Variants in FHOD3 observed in about 807,000 individuals in gnomAD.
The protein encoded by FHOD3 is formin homology 2 domain containing 3.
FHOD3 carries 90 observed loss-of-function variants against 173.0 expected under a neutral mutation model. That is an observed-to-expected ratio of 0.52 (90% CI 0.44 to 0.62). FHOD3 has a LOEUF of 0.62. Among genes scored for constraint, FHOD3 ranks in the 20% least tolerant of loss-of-function variants. The pLI is 0.00. For synonymous variants in FHOD3, 828 were observed against 823.0 expected, an observed-to-expected ratio of 1.01 and a Z score of -0.10; for missense variants, 1,945 against 2,034.7, an observed-to-expected ratio of 0.96 and a Z score of 0.85.
intron 3 of FHOD3, among the ~76,000 whole-genome samples, chr18:36,411,074 A>G (rs1398037130): frequency 6.6e-6 from 1 of 152,118 alleles, no homozygotes; most frequent in Non-Finnish European, 1.5e-5. Context: ...TATATCTAAG[A>G]AATAATTGCC....
chr18:36,552,062 C>T (rs1183307351), intron 5 of FHOD3, among the ~76,000 whole-genome samples: 1 of 152,156 alleles, frequency 6.6e-6, no homozygotes, highest in African/African-American at 2.4e-5. Flanking sequence ...TTGGGGATGG[C>T]ATTAAATCTG....
chr18:36,774,733 C>A (rs1434075330), intron 28 of FHOD3, among the ~76,000 whole-genome samples: 2 of 152,128 alleles, frequency 1.3e-5, no homozygotes, highest in Admixed American at 6.5e-5. Context: ...CCAGGAAATT[C>A]AAACTGGTAC....
intron 1 of FHOD3, among the ~76,000 whole-genome samples, chr18:36,323,373 G>T (rs2044502072): frequency 6.6e-6 from 1 of 152,186 alleles, no homozygotes; most frequent in South Asian, 2.1e-4. Context: ...CTTGAGGAGA[G>T]GCTTCAAATA....
intron 10 of FHOD3, among the ~76,000 whole-genome samples, chr18:36,639,789 G>A (rs920713346): frequency 2.6e-5 from 4 of 151,166 alleles, no homozygotes; most frequent in African/African-American, 7.3e-5. Flanking sequence ...TGCCAGCAAC[G>A]AATATCTGTG....
chr18:36,763,135 TTA>T (rs956696707), intron 27 of FHOD3, among the ~76,000 whole-genome samples: 3 of 148,230 alleles, frequency 2.0e-5, no homozygotes, highest in East Asian at 2.0e-4. Flanking sequence ...ATTATACACG[TTA>T]TATATGTGTA....
intron 26 of FHOD3, among the ~76,000 whole-genome samples, 172 bp downstream of exon 26, chr18:36,759,313 C>CA (rs2042770417): frequency 1.3e-5 from 2 of 152,266 alleles, no homozygotes; most frequent in Admixed American, 1.3e-4. Context: ...CAGGGGCTCT[C>CA]ATCATGCCAC....
At chr18:36,318,951 G>A (rs190101256) in intron 1 of FHOD3, among the ~76,000 whole-genome samples, 28 of 152,170 alleles carry the variant, frequency 1.8e-4, no homozygotes, top group Middle Eastern at 6.8e-3. Flanking sequence ...GAATTTTGTC[G>A]AAGGCCTTTT....
At chr18:36,330,991 C>T (rs1401885650) in intron 1 of FHOD3, among the ~76,000 whole-genome samples, 2 of 152,196 alleles carry the variant, frequency 1.3e-5, no homozygotes, top group African/African-American at 4.8e-5. Context: ...TGCTGCTCCC[C>T]AGGCGCTCTC....
chr18:36,747,188 A>G, intron 24 of FHOD3, 53 bp downstream of exon 24: 2 of 1,415,256 alleles, frequency 1.4e-6, no homozygotes, highest in Non-Finnish European at 1.9e-6. Context: ...ATATTGAAAA[A>G]TTTGTACTGG....
chr18:36,499,424 C>T (rs1052891417), intron 3 of FHOD3, among the ~76,000 whole-genome samples: 2 of 152,140 alleles, frequency 1.3e-5, no homozygotes, highest in African/African-American at 2.4e-5. Context: ...TTAAGAGTTA[C>T]CTGGAATTGG....
At chr18:36,739,090 C>T (rs992298115) in intron 20 of FHOD3, among the ~76,000 whole-genome samples, 32 of 152,130 alleles carry the variant, frequency 2.1e-4, no homozygotes, top group African/African-American at 7.0e-4. Flanking sequence ...CCTCATTGCT[C>T]ATAGGTATAA....
At position 36,584,921 on chromosome 18, in the gene FHOD3, A is replaced by T. The variant is rs1329044842; in HGVS notation, c.606+8376A>T. ...TTTAGAAATACAAAAAAAGTAAAAT[A>T]AAAATTACCTAGAAACACTACCACA... is the stretch of plus-strand genomic sequence containing the variant. On this transcript the variant is annotated intron_variant, in intron 6 of 28. Coordinates refer to ENST00000590592, the MANE Select transcript of FHOD3 (RefSeq NM_001281740.3). Among the ~76,000 whole-genome samples the T allele has an allele frequency of 3.3e-5, 5 of 152,358 alleles. No homozygotes were observed. The East Asian group carries it at 9.6e-4, about 29-fold the overall frequency.
intron 8 of FHOD3, among the ~76,000 whole-genome samples, chr18:36,607,104 T>C (rs2032166699): frequency 6.6e-6 from 1 of 152,218 alleles, no homozygotes; most frequent in Non-Finnish European, 1.5e-5. Context: ...CTCACTCCCG[T>C]GGCTCCACTA....
chr18:36,369,504 TATAGAGAG>T lies in FHOD3; in HGVS notation c.273-3174_273-3167del, dbSNP rs1423110025. 7.0e-5 allele frequency among the ~76,000 whole-genome samples: 9 copies of T among 129,374 alleles called. No homozygotes were observed. In the East Asian group the frequency reaches 3.0e-3, roughly 43 times the overall value. 84.9% of individuals were successfully genotyped at this position (129,374 alleles called of 152,430 possible). A position where few individuals can be genotyped will look rare whatever the true frequency, so the allele number is the denominator to read the frequency against. On this transcript the variant is annotated intron_variant, in intron 2 of 28. Transcript: ENST00000590592. ...ACACACACACACACACACACATATA[TATAGAGAG>T]AGAGAGAGAGAGAGAGCAAGCAATA...
chr18:36,544,868 G>A (rs1282797441), intron 5 of FHOD3, among the ~76,000 whole-genome samples: 2 of 152,128 alleles, frequency 1.3e-5, no homozygotes, highest in Non-Finnish European at 1.5e-5. Context: ...TTTACAGATG[G>A]TATTAACTTT....
intron 7 of FHOD3, among the ~76,000 whole-genome samples, chr18:36,598,532 T>C (rs1394538932): frequency 2.0e-5 from 3 of 151,800 alleles, no homozygotes; most frequent in Non-Finnish European, 4.4e-5. Context: ...GATCAGTGTT[T>C]ATGAAGAAGG....
intron 3 of FHOD3, among the ~76,000 whole-genome samples, chr18:36,488,636 A>G (rs1354537698): frequency 6.6e-6 from 1 of 152,236 alleles, no homozygotes; most frequent in Non-Finnish European, 1.5e-5. Flanking sequence ...CTGAGTATCT[A>G]GCTTGTGCCA....
At chr18:36,471,193 G>A (rs1031480794) in intron 3 of FHOD3, among the ~76,000 whole-genome samples, 3 of 152,312 alleles carry the variant, frequency 2.0e-5, no homozygotes, top group African/African-American at 4.8e-5. Flanking sequence ...CCACAAAGCA[G>A]AGGAGCATGA....
intron 5 of FHOD3, among the ~76,000 whole-genome samples, chr18:36,571,043 A>G (rs1402012817): frequency 6.6e-6 from 1 of 152,178 alleles, no homozygotes; most frequent in East Asian, 1.9e-4. Flanking sequence ...GAAGAGGGAT[A>G]TAGATTGGGA....
Sources: allele counts gnomAD v4.1 joint callset (sites outside exome capture counted in the v4.1 genomes callset), GRCh38; gene constraint gnomAD v4.1.1; transcripts MANE v1.5; gene names NCBI Gene and HGNC (gene_info 2026-07-23, HGNC 2026-07-21).